COL4A6: variants seen among roughly 807,000 people sequenced by gnomAD.
COL4A6 encodes collagen type IV alpha 6 chain.
Under a neutral mutation model 126.7 loss-of-function variants are expected in COL4A6, and 59 were observed. The observed-to-expected ratio is 0.47, with a 90% CI of 0.38 to 0.58. The LOEUF is 0.58. Ranked by LOEUF, COL4A6 falls within the 20% of genes least tolerant of loss-of-function variation. The probability of loss-of-function intolerance (pLI) is 0.00; values close to 1 mark genes in which losing one functional copy is unlikely to be tolerated. For missense variants in COL4A6, 1,285 were observed against 1,337.3 expected (o/e 0.96, Z 0.61); for synonymous variants, 547 against 496.6 (o/e 1.10, Z -1.35).
chrX:108,273,526 G>T (rs763646961), intron 3 of COL4A6, among the ~76,000 whole-genome samples: 1 of 112,051 alleles, frequency 8.9e-6, no homozygotes, highest in Admixed American at 9.4e-5. Context: ...AAAGACACAT[G>T]CACACGTATG....
At chrX:108,351,148 C>T (rs1050248116) in intron 2 of COL4A6, among the ~76,000 whole-genome samples, 4 of 111,497 alleles carry the variant, frequency 3.6e-5, no homozygotes, top group Non-Finnish European at 7.5e-5. Context: ...AGTCACATTA[C>T]TGTCATCGTC....
chrX:108,234,667 G>T (rs369081076), intron 3 of COL4A6, among the ~76,000 whole-genome samples: 1 of 112,048 alleles, frequency 8.9e-6, no homozygotes, highest in East Asian at 2.8e-4. Context: ...ATGCACATGA[G>T]TATATACCAT....
In COL4A6 at chrX:108,375,575, T is replaced by A. The variant is rs184789530; in HGVS notation, c.63+62367A>T. 3.6e-5 allele frequency among the ~76,000 whole-genome samples: 4 copies of A among 111,064 alleles called. No individual in the cohort carries two copies. In the East Asian group the frequency reaches 1.1e-3, roughly 31 times the overall value. On this transcript the variant is annotated intron_variant, in intron 2 of 44. Transcript: ENST00000334504. ...CCTTTTCTCCTGGAATCTTAATATG[T>A]AGGTCAGCTCTCTACCTGATTTCTA...
At chrX:108,210,084 G>C in intron 7 of COL4A6, 80 bp from the exon 8 acceptor site, 1 of 1,032,569 alleles carries the variant, frequency 9.7e-7, no homozygotes, top group South Asian at 2.1e-5. Context: ...AACATTTATA[G>C]GGACAAAAAC....
chrX:108,290,359 A>G (rs1264263161), intron 3 of COL4A6, among the ~76,000 whole-genome samples: 1 of 112,318 alleles, frequency 8.9e-6, no homozygotes, highest in Non-Finnish European at 1.9e-5. Context: ...AAAATTAAGC[A>G]AGGCAAATAA....
rs2036017247 is a variant in COL4A6 at position 108,221,481 on chromosome X, G to A, written c.145-107C>T. Reference sequence around the variant, plus strand: ...TGTCATAACTTCACTGAATAATTTTGGCTAAGAGATCTGTGAGGCACGCCA... The same window carrying A: ...TGTCATAACTTCACTGAATAATTTTAGCTAAGAGATCTGTGAGGCACGCCA... On this transcript the variant is annotated intron_variant, in intron 3 of 44. Transcript: ENST00000334504. 3 of 951,629 alleles carry A rather than the reference G, an allele frequency of 3.2e-6. No homozygotes were observed. The African/African-American group carries it at 5.9e-5, about 19-fold the overall frequency. 78.4% of individuals were successfully genotyped at this position (951,629 alleles called of 1,213,427 possible).
intron 2 of COL4A6, among the ~76,000 whole-genome samples, chrX:108,403,267 TC>T (rs2041132987): frequency 9.6e-6 from 1 of 104,309 alleles, no homozygotes; most frequent in African/African-American, 3.5e-5. Context: ...TCTCTCTCTC[TC>T]TCTCTCTCTC....
rs753323589 is a variant in COL4A6, at chrX:108,376,251, G to A, written c.63+61691C>T. On this transcript the variant is annotated intron_variant, in intron 2 of 44. Coordinates refer to ENST00000334504, the MANE Select transcript of COL4A6 (RefSeq NM_033641.4). Reference sequence around the variant, plus strand: ...GACAAAGATGCCTGTGCTTTAATAGGCAGATTCTAGGGAGAATCTGAACCA... The same window carrying A: ...GACAAAGATGCCTGTGCTTTAATAGACAGATTCTAGGGAGAATCTGAACCA... 2.7e-5 allele frequency among the ~76,000 whole-genome samples: 3 copies of A among 111,169 alleles called. No homozygotes were observed. The South Asian group carries it at 1.1e-3, about 42-fold the overall frequency.
At chrX:108,376,820 A>T (rs1233628286) in intron 2 of COL4A6, among the ~76,000 whole-genome samples, 1 of 112,520 alleles carries the variant, frequency 8.9e-6, no homozygotes, top group East Asian at 2.8e-4. Flanking sequence ...CTTACACCTA[A>T]GGTTTATCTT....
intron 3 of COL4A6, among the ~76,000 whole-genome samples, chrX:108,296,365 G>A (rs1685891044): frequency 9.0e-6 from 1 of 111,567 alleles, no homozygotes; most frequent in South Asian, 3.8e-4. Flanking sequence ...CTTCCCTTTC[G>A]TGGTCCTATC....
At chrX:108,367,129 A>G (rs2040216607) in intron 2 of COL4A6, among the ~76,000 whole-genome samples, 1 of 112,348 alleles carries the variant, frequency 8.9e-6, no homozygotes, top group African/African-American at 3.2e-5. Flanking sequence ...GAAAGTTCAG[A>G]GAATATCAAA....
In COL4A6 at chrX:108,214,160, A is replaced by C; in HGVS notation, c.393T>G (p.Ala131=). 6 of 1,210,456 alleles carry C rather than the reference A, an allele frequency of 5.0e-6. No homozygotes were observed. Among genetic ancestry groups the C allele is most frequent in the Non-Finnish European group, 4.5e-6 (4 of 894,858 alleles). The change falls in exon 6 of 45, where the codon GCT becomes GCG. Residue 131 remains alanine (A), a synonymous_variant. Transcript: ENST00000334504. ...GLDGCNGTQG[A]VGFPGPDGYP... is the part of the protein sequence containing the mutation. ...AGCCATCAGGGCCTGGAAATCCAAC[A>C]GCTCCTTGAGTTCCATTACAGCCAT...
intron 2 of COL4A6, among the ~76,000 whole-genome samples, chrX:108,354,485 C>A (rs896557080): frequency 3.6e-5 from 4 of 111,099 alleles, no homozygotes; most frequent in African/African-American, 6.5e-5. Flanking sequence ...AATTTTGAAC[C>A]CTGTGACTTG....
At chrX:108,193,028 T>G (rs2035099609) in intron 17 of COL4A6, among the ~76,000 whole-genome samples, 1 of 112,043 alleles carries the variant, frequency 8.9e-6, no homozygotes, top group African/African-American at 3.2e-5. Flanking sequence ...GGAAGATCCA[T>G]GGAAGAGTCA....
At chrX:108,405,623 C>T (rs1430742257) in intron 2 of COL4A6, among the ~76,000 whole-genome samples, 1 of 111,627 alleles carries the variant, frequency 9.0e-6, no homozygotes, top group Non-Finnish European at 1.9e-5. Flanking sequence ...CTGTTCTTTT[C>T]ATGCTACATT....
chrX:108,212,475 A>AG (rs1304298693), intron 6 of COL4A6, among the ~76,000 whole-genome samples: 1 of 111,594 alleles, frequency 9.0e-6, no homozygotes, highest in East Asian at 2.8e-4. Flanking sequence ...AATATCTGTT[A>AG]GAGTTTGTAC....
chrX:108,435,093 G>C (rs1284927486), intron 2 of COL4A6, among the ~76,000 whole-genome samples: 1 of 111,424 alleles, frequency 9.0e-6, no homozygotes, highest in Non-Finnish European at 1.9e-5. Context: ...ATCAGACCTT[G>C]ATTTGAGTGC....
At chrX:108,376,580 G>A (rs1217067028) in intron 2 of COL4A6, among the ~76,000 whole-genome samples, 2 of 111,501 alleles carry the variant, frequency 1.8e-5, no homozygotes, top group African/African-American at 6.5e-5. Flanking sequence ...CTCCAGCCTG[G>A]GCAACAGGAG....
chrX:108,375,573 T>C (rs1439152279), intron 2 of COL4A6, among the ~76,000 whole-genome samples: 1 of 111,027 alleles, frequency 9.0e-6, no homozygotes, highest in East Asian at 2.8e-4. Flanking sequence ...AATCTTAATA[T>C]GTAGGTCAGC....
Sources: allele counts gnomAD v4.1 joint callset (sites outside exome capture counted in the v4.1 genomes callset), GRCh38; gene constraint gnomAD v4.1.1; transcripts MANE v1.5; gene names NCBI Gene and HGNC (gene_info 2026-07-23, HGNC 2026-07-21).